PDE8A: variants seen among roughly 807,000 people sequenced by gnomAD.
The protein encoded by PDE8A is high affinity cAMP-specific and IBMX-insensitive 3',5'-cyclic phosphodiesterase 8A.
Under a neutral mutation model 105.0 loss-of-function variants are expected in PDE8A, and 59 were observed. The observed-to-expected ratio is 0.56, with a 90% CI of 0.46 to 0.70. The LOEUF (loss-of-function observed/expected upper bound fraction) is 0.70. Among genes scored for constraint, PDE8A ranks in the 30% least tolerant of loss-of-function variants. PDE8A has a pLI of 0.00. For synonymous variants in PDE8A, 355 were observed against 371.9 expected (o/e 0.95, Z 0.52); for missense variants, 1,014 against 1,045.9 (o/e 0.97, Z 0.42).
At chr15:84,998,075 T>G (rs1239300369) in intron 1 of PDE8A, among the ~76,000 whole-genome samples, 1 of 152,224 alleles carries the variant, frequency 6.6e-6, no homozygotes, top group African/African-American at 2.4e-5. Context: ...AAACTTGGCT[T>G]TAGATAAGTT....
chr15:85,113,836 G>C (rs950202727), intron 13 of PDE8A, 37 bp from the exon 14 acceptor site: 1 of 1,533,846 alleles, frequency 6.5e-7, no homozygotes, highest in Non-Finnish European at 9.0e-7. Context: ...CTGTTTTTAA[G>C]GTTATGAAAC....
Position 85,138,609 on chromosome 15 carries a change from C to T in PDE8A, c.*706C>T, listed in dbSNP as rs2082451644. 1.3e-5 allele frequency: 2 copies of T among 152,540 alleles called. No individual in the cohort carries two copies. The highest frequency in any genetic ancestry group is 2.9e-5 in the Non-Finnish European group (2 of 68,026). The allele number at this position is 152,540 out of a possible 1,614,324, so 9.4% of individuals were successfully genotyped here. On this transcript the variant is annotated 3_prime_UTR_variant, in exon 22 of 22. Coordinates refer to ENST00000394553, the MANE Select transcript of PDE8A (RefSeq NM_002605.3). ...TTAATAAAATGACACTTTTACTGCACTATAGAAATATTCATGTATGTTAAA... is the reference window on the plus strand; with the variant it reads ...TTAATAAAATGACACTTTTACTGCATTATAGAAATATTCATGTATGTTAAA...
chr15:85,053,394 C>T (rs1017910734), intron 1 of PDE8A, among the ~76,000 whole-genome samples: 2 of 152,178 alleles, frequency 1.3e-5, no homozygotes, highest in African/African-American at 4.8e-5. Context: ...GGCATTTAAT[C>T]TATAAGTTGC....
chr15:85,062,037 T>C (rs2081154014), intron 1 of PDE8A, among the ~76,000 whole-genome samples: 1 of 152,234 alleles, frequency 6.6e-6, no homozygotes, highest in African/African-American at 2.4e-5. Flanking sequence ...TTTAGTTCTT[T>C]TAGCATCTTG....
intron 16 of PDE8A, 129 bp downstream of exon 16, chr15:85,116,248 A>G (rs11073951): frequency 0.48 from 410,329 of 858,678 alleles, 101,359 homozygotes; most frequent in African/African-American, 0.74. Flanking sequence ...GGAAGGAGTA[A>G]CAGGGCACCA....
chr15:85,083,958 A>AC (rs1051674483), intron 6 of PDE8A, among the ~76,000 whole-genome samples: 17 of 151,480 alleles, frequency 1.1e-4, no homozygotes, highest in Admixed American at 4.6e-4. Flanking sequence ...TTTAATATAC[A>AC]CCCCCCCAAT....
rs1177885324 is a variant in PDE8A, at chr15:85,083,546, C to G, written c.547-10C>G. 1 of 1,570,808 alleles carries G rather than the reference C, an allele frequency of 6.4e-7. No individual in the cohort carries two copies. Among genetic ancestry groups the G allele is most frequent in the African/African-American group, 1.4e-5 (1 of 74,050 alleles). ...TTGTTTATCCACAAAATTCCTCTTTCTGTTTGTAGAGGTATGTAGAAAACC... is the reference window on the plus strand; with the variant it reads ...TTGTTTATCCACAAAATTCCTCTTTGTGTTTGTAGAGGTATGTAGAAAACC... On this transcript the variant is annotated splice_polypyrimidine_tract_variant and intron_variant, in intron 5 of 21. Coordinates refer to ENST00000394553, the MANE Select transcript of PDE8A (RefSeq NM_002605.3).
chr15:84,988,054 C>G (rs916093896), intron 1 of PDE8A, among the ~76,000 whole-genome samples: 1 of 152,150 alleles, frequency 6.6e-6, no homozygotes, highest in Non-Finnish European at 1.5e-5. Context: ...CTTGGATGCC[C>G]TCTGTGTTGC....
chr15:85,137,996 G>C lies in PDE8A; in HGVS notation c.*93G>C. 1.3e-6 allele frequency: 1 copy of C among 751,138 alleles called. No individual in the cohort carries two copies. 46.5% of individuals were successfully genotyped at this position (751,138 alleles called of 1,614,324 possible). A position where few individuals can be genotyped will look rare whatever the true frequency, so the allele number is the denominator to read the frequency against. On this transcript the variant is annotated 3_prime_UTR_variant, in exon 22 of 22. Coordinates refer to ENST00000394553, the MANE Select transcript of PDE8A (RefSeq NM_002605.3). ...GAGCTCCTTGGTCCTTTCAGTACTA[G>C]GCAGAACAGCCCCCGATCTGCATAG... is the stretch of plus-strand genomic sequence containing the variant.
intron 6 of PDE8A, among the ~76,000 whole-genome samples, chr15:85,085,495 C>T (rs1044454625): frequency 1.3e-5 from 2 of 151,928 alleles, no homozygotes; most frequent in African/African-American, 2.4e-5. Flanking sequence ...GTCAGGAGTT[C>T]GAGACAAGCC....
intron 20 of PDE8A, among the ~76,000 whole-genome samples, chr15:85,134,414 G>A (rs1427516038): frequency 2.0e-5 from 3 of 152,134 alleles, no homozygotes; most frequent in Non-Finnish European, 4.4e-5. Flanking sequence ...CCCTCCCTGC[G>A]CCCCCACCCC....
intron 3 of PDE8A, among the ~76,000 whole-genome samples, chr15:85,071,507 C>T (rs1247240013): frequency 6.6e-6 from 1 of 152,198 alleles, no homozygotes; most frequent in Non-Finnish European, 1.5e-5. Context: ...AGACAGTTCT[C>T]CACATACTGC....
chr15:85,075,000 TTCCTTTCTTC>T (rs1327051947), intron 3 of PDE8A, among the ~76,000 whole-genome samples: 42 of 152,110 alleles, frequency 2.8e-4, no homozygotes, highest in Non-Finnish European at 4.6e-4. Context: ...CTGGGGTGAG[TTCCTTTCTTC>T]TCCAGTGGAG....
In PDE8A at chr15:84,994,594, T is replaced by C. The variant is rs552511760; in HGVS notation, c.186+12246T>C. Among the ~76,000 whole-genome samples the C allele has an allele frequency of 9.2e-5, 14 of 152,396 alleles. No individual in the cohort carries two copies. The East Asian group carries it at 2.7e-3, about 29-fold the overall frequency. On this transcript the variant is annotated intron_variant, in intron 1 of 21. Coordinates refer to ENST00000394553, the MANE Select transcript of PDE8A (RefSeq NM_002605.3). ...CCTGTATTTTACATTAGCATTTTAC[T>C]GTACTTGCTTTATCACATATATCCA...
At chr15:84,981,040 C>T (rs1018937498), upstream of PDE8A, among the ~76,000 whole-genome samples, 4 of 152,190 alleles carry the variant, frequency 2.6e-5, no homozygotes, top group Non-Finnish European at 4.4e-5. Context: ...CAAAGGAGGT[C>T]TTTCCACCGG....
intron 13 of PDE8A, 80 bp downstream of exon 13, chr15:85,113,527 C>T (rs2082049875): frequency 1.7e-6 from 2 of 1,175,556 alleles, no homozygotes; most frequent in African/African-American, 1.5e-5. Flanking sequence ...TGAGAAGAAA[C>T]AGGGACCCGC....
At chr15:85,003,095 A>G (rs1375687168) in intron 1 of PDE8A, among the ~76,000 whole-genome samples, 1 of 152,036 alleles carries the variant, frequency 6.6e-6, no homozygotes, top group Non-Finnish European at 1.5e-5. Context: ...TGTAAGTGAC[A>G]TAATGCATTC....
rs1043228630 is a variant in PDE8A at position 85,046,203 on chromosome 15, C to G, written c.187-18167C>G. On this transcript the variant is annotated intron_variant, in intron 1 of 21. Coordinates refer to ENST00000394553, the MANE Select transcript of PDE8A (RefSeq NM_002605.3). Reference sequence around the variant, plus strand: ...AGTAGCTGGGATTACAGGCACCCACCACACCTGGCTAATTTTTGTATTTTT... The same window carrying G: ...AGTAGCTGGGATTACAGGCACCCACGACACCTGGCTAATTTTTGTATTTTT... Among the ~76,000 whole-genome samples the G allele has an allele frequency of 1.3e-5, 2 of 151,888 alleles. 1 individual carries two copies. The highest frequency in any genetic ancestry group is 4.8e-5 in the African/African-American group (2 of 41,342).
chr15:85,038,047 G>A (rs2080736561), intron 1 of PDE8A, among the ~76,000 whole-genome samples: 1 of 152,136 alleles, frequency 6.6e-6, no homozygotes, highest in African/African-American at 2.4e-5. Context: ...TAAAATATCT[G>A]TTCAAATTTC....
Sources: gnomAD v4.1 joint callset for allele counts (sites outside exome capture counted in the v4.1 genomes callset) on GRCh38, gnomAD v4.1.1 for gene constraint, MANE v1.5 for transcripts, NCBI Gene and HGNC (gene_info 2026-07-23, HGNC 2026-07-21) for gene names.